The following IGF2BP3 variants were observed in gnomAD, a reference collection of about 807,000 sequenced individuals.
IGF2BP3 encodes the protein insulin like growth factor 2 mRNA binding protein 3, also known as insulin-like growth factor 2 mRNA-binding protein 3.
Under a neutral mutation model 73.8 loss-of-function variants are expected in IGF2BP3, and 9 were observed. The observed-to-expected ratio is 0.12, with a 90% CI of 0.07 to 0.21. The LOEUF (loss-of-function observed/expected upper bound fraction) is 0.21, where lower values mean the gene tolerates loss of function less well. IGF2BP3 is among the 10% of genes least tolerant of loss of function. The pLI is 1.00. For synonymous variants in IGF2BP3, 258 were observed against 256.7 expected (o/e 1.01, Z -0.05); for missense variants, 542 against 714.0 (o/e 0.76, Z 2.75).
chr7:23,313,485 T>A, intron 13 of IGF2BP3, 37 bp downstream of exon 13: 2 of 1,605,120 alleles, frequency 1.2e-6, no homozygotes, highest in Non-Finnish European at 1.7e-6. Context: ...ACGCTTTCCC[T>A]TTCATACCAC....
intron 2 of IGF2BP3, among the ~76,000 whole-genome samples, chr7:23,467,530 G>A (rs759935428): frequency 1.1e-4 from 17 of 152,232 alleles, no homozygotes; most frequent in Middle Eastern, 3.2e-3. Flanking sequence ...CTGGGAGGGA[G>A]CAGTGCCTTT....
At chr7:23,321,366 G>A (rs1026751689) in intron 10 of IGF2BP3, among the ~76,000 whole-genome samples, 5 of 152,194 alleles carry the variant, frequency 3.3e-5, no homozygotes, top group Non-Finnish European at 7.3e-5. Flanking sequence ...TTTTCCGACG[G>A]GCTTAAAAAA....
At chr7:23,340,936 G>C (rs1041342893) in intron 10 of IGF2BP3, among the ~76,000 whole-genome samples, 13 of 147,728 alleles carry the variant, frequency 8.8e-5, no homozygotes, top group African/African-American at 3.3e-4. Context: ...TACCACCTCT[G>C]CCTCCTGGGT....
chr7:23,329,136 C>T (rs1784379981), intron 10 of IGF2BP3, among the ~76,000 whole-genome samples: 1 of 151,946 alleles, frequency 6.6e-6, no homozygotes, highest in Non-Finnish European at 1.5e-5. Context: ...TGGCATGAAC[C>T]CGGAAGGTGG....
At chr7:23,417,162 C>A (rs748400603) in intron 3 of IGF2BP3, among the ~76,000 whole-genome samples, 5 of 152,156 alleles carry the variant, frequency 3.3e-5, no homozygotes, top group Non-Finnish European at 4.4e-5. Context: ...ACAGCAGCAG[C>A]CCATCTTATT....
At chr7:23,346,803 G>A (rs1335746819) in intron 7 of IGF2BP3, among the ~76,000 whole-genome samples, 1 of 152,058 alleles carries the variant, frequency 6.6e-6, no homozygotes, top group Admixed American at 6.6e-5. Flanking sequence ...ATGTTGGCCA[G>A]GATGGTCTTG....
chr7:23,360,985 G>A (rs1785210358), intron 5 of IGF2BP3, among the ~76,000 whole-genome samples: 2 of 152,128 alleles, frequency 1.3e-5, no homozygotes, highest in African/African-American at 2.4e-5. Context: ...TCCTAGGGGA[G>A]ACTGTTTGAT....
intron 2 of IGF2BP3, among the ~76,000 whole-genome samples, chr7:23,423,402 C>T (rs1048389731): frequency 2.6e-5 from 4 of 152,180 alleles, no homozygotes; most frequent in Non-Finnish European, 5.9e-5. Context: ...TAAATACTTA[C>T]AAGTCAAGAA....
chr7:23,327,696 A>G (rs1191040841), intron 10 of IGF2BP3, among the ~76,000 whole-genome samples: 1 of 152,150 alleles, frequency 6.6e-6, no homozygotes, highest in Non-Finnish European at 1.5e-5. Flanking sequence ...CAGCCAAAGA[A>G]AACAGTAACA....
Position 23,312,725 on chromosome 7 carries a change from G to A in IGF2BP3, c.1641+10C>T. ...GAAAGATACAATAGCTTATTTTAGA[G>A]CCCACTTGCCTGGCAAGCATAGAAG... On this transcript the variant is annotated intron_variant, in intron 14 of 14. Coordinates refer to ENST00000258729, the MANE Select transcript of IGF2BP3 (RefSeq NM_006547.3). 6.4e-7 allele frequency: 1 copy of A among 1,560,096 alleles called. No individual in the cohort carries two copies. Among genetic ancestry groups the A allele is most frequent in the Non-Finnish European group, 8.8e-7 (1 of 1,135,050 alleles).
At position 23,408,305 on chromosome 7, in the gene IGF2BP3, T is replaced by C. The variant is rs367705639; in HGVS notation, c.285+10471A>G. Among the ~76,000 whole-genome samples the C allele has an allele frequency of 5.9e-5, 9 of 152,232 alleles. No homozygotes were observed. In the East Asian group the frequency reaches 1.2e-3, roughly 20 times the overall value. ...CTATGCCCATTTGAATACATAATTG[T>C]CTAAGTAGAAAATCCCAAGCAATCT... is the stretch of plus-strand genomic sequence containing the variant. On this transcript the variant is annotated intron_variant, in intron 3 of 14. Coordinates refer to ENST00000258729, the MANE Select transcript of IGF2BP3 (RefSeq NM_006547.3).
At chr7:23,454,328 A>G (rs2062820696) in intron 2 of IGF2BP3, among the ~76,000 whole-genome samples, 1 of 152,226 alleles carries the variant, frequency 6.6e-6, no homozygotes, top group Non-Finnish European at 1.5e-5. Flanking sequence ...ACCTAGATAT[A>G]AAGCACCAAT....
chr7:23,344,622 A>G (rs1784788350), intron 8 of IGF2BP3, among the ~76,000 whole-genome samples: 1 of 152,224 alleles, frequency 6.6e-6, no homozygotes. Flanking sequence ...AGGAAAAGCA[A>G]TGGGAGACAT....
intron 10 of IGF2BP3, among the ~76,000 whole-genome samples, chr7:23,333,956 G>A (rs369824679): frequency 6.6e-6 from 1 of 152,196 alleles, no homozygotes; most frequent in Non-Finnish European, 1.5e-5. Context: ...CTCTGGGAAT[G>A]TAAGGCAGCT....
chr7:23,363,509 A>G lies in IGF2BP3; in HGVS notation c.286-1768T>C, dbSNP rs115424262. The stretch of plus-strand genomic sequence containing the variant: ...GGATCATCCCAGCTGGGCCTCCCCA[A>G]GTGCTGAGATTACAGGCGTGACCCA... On this transcript the variant is annotated intron_variant, in intron 3 of 14. Coordinates refer to ENST00000258729, the MANE Select transcript of IGF2BP3 (RefSeq NM_006547.3). Among the ~76,000 whole-genome samples the G allele has an allele frequency of 6.5e-3, 984 of 152,316 alleles. 15 individuals carry two copies. Among genetic ancestry groups the G allele is most frequent in the African/African-American group, 0.022 (921 of 41,574 alleles).
chr7:23,376,964 T>C (rs1002546716), intron 3 of IGF2BP3, among the ~76,000 whole-genome samples: 13 of 152,354 alleles, frequency 8.5e-5, no homozygotes, highest in Non-Finnish European at 1.2e-4. Flanking sequence ...AATGTGGGTG[T>C]AAATTCATCC....
At chr7:23,388,345 A>G (rs1786154709) in intron 3 of IGF2BP3, among the ~76,000 whole-genome samples, 1 of 152,222 alleles carries the variant, frequency 6.6e-6, no homozygotes, top group African/African-American at 2.4e-5. Context: ...TTATCAACTT[A>G]GGTTCAGTAA....
intron 3 of IGF2BP3, among the ~76,000 whole-genome samples, chr7:23,364,862 G>A (rs1453761420): frequency 1.3e-5 from 2 of 151,682 alleles, no homozygotes; most frequent in African/African-American, 4.8e-5. Context: ...AGTTTAATAT[G>A]TTATTTAAAA....
intron 3 of IGF2BP3, among the ~76,000 whole-genome samples, chr7:23,407,534 G>A (rs960307968): frequency 5.3e-5 from 8 of 151,318 alleles, no homozygotes; most frequent in African/African-American, 1.9e-4. Context: ...ACTTGAACCA[G>A]GAGGCAGAGG....
Sources: gnomAD v4.1 joint callset for allele counts (sites outside exome capture counted in the v4.1 genomes callset) on GRCh38, gnomAD v4.1.1 for gene constraint, MANE v1.5 for transcripts, NCBI Gene and HGNC (gene_info 2026-07-23, HGNC 2026-07-21) for gene names.